Variants in DNAJC3 observed in about 807,000 individuals in gnomAD.
The protein encoded by DNAJC3 is DnaJ heat shock protein family (Hsp40) member C3.
A neutral mutation model predicts 68.6 loss-of-function variants in DNAJC3; 38 were observed. That is an observed-to-expected ratio of 0.55 (90% CI 0.43 to 0.73). DNAJC3 has a LOEUF of 0.73. DNAJC3 is among the 30% of genes least tolerant of loss of function. The pLI, the probability that DNAJC3 is intolerant of heterozygous loss-of-function variation, is 0.00. For synonymous variants in DNAJC3, 203 were observed against 204.0 expected (o/e 1.00, Z 0.04); for missense variants, 526 against 591.9 (o/e 0.89, Z 1.16).
chr13:95,741,418 T>C lies in DNAJC3; in HGVS notation c.393+16166T>C, dbSNP rs147124836. 1.1e-3 allele frequency among the ~76,000 whole-genome samples: 165 copies of C among 152,332 alleles called. 1 individual carries two copies. Among genetic ancestry groups the C allele is most frequent in the African/African-American group, 3.8e-3 (158 of 41,582 alleles). On this transcript the variant is annotated intron_variant, in intron 4 of 11. Transcript: ENST00000602402. ...TTTGTAGTTTTGCTGGGGATGGGGA[T>C]GTCAGATAAGCCAGTTCTTGGGCCC... is the stretch of plus-strand genomic sequence containing the variant.
chr13:95,734,618 C>T (rs776084151), intron 4 of DNAJC3, among the ~76,000 whole-genome samples: 2 of 152,122 alleles, frequency 1.3e-5, no homozygotes, highest in Non-Finnish European at 2.9e-5. Context: ...TTTTTTATCA[C>T]TGTGGTTTTC....
Position 95,709,333 on chromosome 13 carries a change from C to A in DNAJC3, c.189C>A (p.Ala63=), listed in dbSNP as rs772288524. 3 of 1,583,384 alleles carry A rather than the reference C, an allele frequency of 1.9e-6. No homozygotes were observed. The highest frequency in any genetic ancestry group is 2.3e-5 in the East Asian group (1 of 42,716). The change falls in exon 2 of 12, where the codon GCC becomes GCA. Residue 63 remains alanine, a synonymous_variant. Transcript: ENST00000602402. Reference sequence around the variant, plus strand: ...ATGCTTTATCTCAGTTTCATGCTGCCGTAGGTTTGTATCATGGAACCAAAT... The same window carrying A: ...ATGCTTTATCTCAGTTTCATGCTGCAGTAGGTTTGTATCATGGAACCAAAT... ...LADALSQFHA[A]VDGDPDNYIA...
chr13:95,762,468 C>T (rs975211906), intron 7 of DNAJC3, among the ~76,000 whole-genome samples: 9 of 152,170 alleles, frequency 5.9e-5, no homozygotes, highest in East Asian at 5.8e-4. Flanking sequence ...GGTCCTGAGT[C>T]ACTAGCTAGT....
At chr13:95,707,160 A>G (rs920070117) in intron 1 of DNAJC3, among the ~76,000 whole-genome samples, 1 of 152,170 alleles carries the variant, frequency 6.6e-6, no homozygotes, top group Non-Finnish European at 1.5e-5. Context: ...AATTGATGAT[A>G]GGGTTTGTGC....
intron 1 of DNAJC3, chr13:95,694,888 T>G (rs996294354): frequency 6.5e-6 from 1 of 152,754 alleles, no homozygotes; most frequent in South Asian, 2.1e-4. Context: ...TATGGGTCAC[T>G]TATGTCCCTA....
chr13:95,699,243 A>G (rs1343427043), intron 1 of DNAJC3, among the ~76,000 whole-genome samples: 1 of 152,222 alleles, frequency 6.6e-6, no homozygotes, highest in East Asian at 1.9e-4. Flanking sequence ...TTATCATATA[A>G]TTAAATGGAA....
chr13:95,702,440 G>A (rs144796500), intron 1 of DNAJC3, among the ~76,000 whole-genome samples: 56 of 152,312 alleles, frequency 3.7e-4, no homozygotes, highest in Middle Eastern at 3.4e-3. Flanking sequence ...TTTTGCTATG[G>A]TCTGAATATT....
chr13:95,750,497 G>A (rs974667562), intron 4 of DNAJC3, among the ~76,000 whole-genome samples: 1 of 151,604 alleles, frequency 6.6e-6, no homozygotes, highest in African/African-American at 2.4e-5. Context: ...CTTACAGCAA[G>A]TTATATAATT....
At chr13:95,740,648 C>T (rs1257460957) in intron 4 of DNAJC3, among the ~76,000 whole-genome samples, 1 of 152,218 alleles carries the variant, frequency 6.6e-6, no homozygotes, top group African/African-American at 2.4e-5. Context: ...CCAAGTGAGG[C>T]AATGCCTCGC....
intron 1 of DNAJC3, among the ~76,000 whole-genome samples, chr13:95,680,172 T>G (rs1879875024): frequency 6.6e-6 from 1 of 152,236 alleles, no homozygotes; most frequent in Non-Finnish European, 1.5e-5. Flanking sequence ...GCTAATGGTT[T>G]GTCCTCTTGG....
At chr13:95,677,612 G>C (rs576908787) in intron 1 of DNAJC3, among the ~76,000 whole-genome samples, 1 of 152,266 alleles carries the variant, frequency 6.6e-6, no homozygotes, top group South Asian at 2.1e-4. Context: ...GGGGCACCGG[G>C]CTACGACTTC....
At chr13:95,762,532 C>T (rs946285621) in intron 7 of DNAJC3, among the ~76,000 whole-genome samples, 1 of 152,172 alleles carries the variant, frequency 6.6e-6, no homozygotes, top group Non-Finnish European at 1.5e-5. Flanking sequence ...TACATATAAT[C>T]TCTAGGGTTT....
chr13:95,767,385 A>G lies in DNAJC3; in HGVS notation c.1075+3432A>G, dbSNP rs1401419348. Among the ~76,000 whole-genome samples, 23 of 152,184 alleles carry G rather than the reference A, an allele frequency of 1.5e-4. 1 individual carries two copies. Among genetic ancestry groups the G allele is most frequent in the Admixed American group, 1.5e-3 (23 of 15,274 alleles). ...TTCTTTTAAGGCTGAATAGTATTCC[A>G]TTGTATGGATATCCCACATTTTGTT... On this transcript the variant is annotated intron_variant, in intron 9 of 11. Transcript: ENST00000602402.
At position 95,789,905 on chromosome 13, in the gene DNAJC3, A is replaced by G. The variant is rs564775761; in HGVS notation, c.1358-968A>G. The stretch of plus-strand genomic sequence containing the variant: ...GTGATGTTGAGCTTTTTTTCATATG[A>G]TTGTTGGCCGCATATATGTCTTCTT... On this transcript the variant is annotated intron_variant, in intron 11 of 11. Transcript: ENST00000602402. 2.6e-3 allele frequency among the ~76,000 whole-genome samples: 397 copies of G among 151,974 alleles called. 1 individual carries two copies. Among genetic ancestry groups the G allele is most frequent in the African/African-American group, 8.2e-3 (339 of 41,470 alleles).
intron 2 of DNAJC3, among the ~76,000 whole-genome samples, chr13:95,716,047 A>G (rs1044974245): frequency 6.6e-6 from 1 of 151,928 alleles, no homozygotes; most frequent in African/African-American, 2.4e-5. Context: ...AATCCCAGCT[A>G]CTTGGGAAGC....
At chr13:95,681,325 TG>T (rs1857533078) in intron 1 of DNAJC3, among the ~76,000 whole-genome samples, 1 of 152,224 alleles carries the variant, frequency 6.6e-6, no homozygotes, top group Non-Finnish European at 1.5e-5. Flanking sequence ...ACAACTTTGC[TG>T]ATTAGTCTCA....
chr13:95,709,569 A>G (rs1880882133), intron 2 of DNAJC3, among the ~76,000 whole-genome samples: 1 of 152,042 alleles, frequency 6.6e-6, no homozygotes, highest in African/African-American at 2.4e-5. Context: ...GCTACTACCA[A>G]GGATAACTCA....
intron 4 of DNAJC3, among the ~76,000 whole-genome samples, chr13:95,750,724 T>G (rs1045379624): frequency 6.6e-6 from 1 of 152,002 alleles, no homozygotes; most frequent in Admixed American, 6.6e-5. Context: ...TTGGCCAGGC[T>G]GGTCTCAAAC....
chr13:95,680,575 CTTTA>C (rs1279620592), intron 1 of DNAJC3, among the ~76,000 whole-genome samples: 1 of 152,108 alleles, frequency 6.6e-6, no homozygotes, highest in Non-Finnish European at 1.5e-5. Flanking sequence ...ATTTTAAATT[CTTTA>C]ATAAGATAGG....
Sources: gnomAD v4.1 joint callset for allele counts (sites outside exome capture counted in the v4.1 genomes callset) on GRCh38, gnomAD v4.1.1 for gene constraint, MANE v1.5 for transcripts, NCBI Gene and HGNC (gene_info 2026-07-23, HGNC 2026-07-21) for gene names.